TNRC6B: variants seen among roughly 807,000 people sequenced by gnomAD.
TNRC6B encodes the protein trinucleotide repeat containing adaptor 6B.
Under a neutral mutation model 203.6 loss-of-function variants are expected in TNRC6B, and 52 were observed. The observed-to-expected ratio is 0.26, with a 90% CI of 0.20 to 0.32. TNRC6B has a LOEUF of 0.32. Ranked by LOEUF, TNRC6B falls within the 10% of genes least tolerant of loss-of-function variation. The pLI is 1.00. For synonymous variants in TNRC6B, 838 were observed against 845.7 expected (o/e 0.99, Z 0.16); for missense variants, 1,923 against 2,286.2 (o/e 0.84, Z 3.24).
intron 7 of TNRC6B, 86 bp downstream of exon 7, chr22:40,273,686 A>G (rs2070597330): frequency 7.1e-7 from 1 of 1,406,564 alleles, no homozygotes; most frequent in Admixed American, 2.5e-5. Context: ...TTGTTTTGAG[A>G]CAAGTTCTCC....
At position 40,265,576 on chromosome 22, in the gene TNRC6B, A is replaced by G. The variant is rs2070466215; in HGVS notation, c.1346A>G (p.Asn449Ser). The change falls in exon 5 of 23, where the codon AAT becomes AGT. Residue 449 changes from asparagine (N) to serine (S), a missense_variant. Asn to Ser is a conservative substitution (Grantham distance 46, BLOSUM62 1). Around this residue, in one of 8 missense-constraint regions of TNRC6B, gnomAD observed 614 missense variants for 587.7 expected, o/e 1.04. Transcript: ENST00000454349. The part of the protein sequence containing the change: ...GQSNSGNNGN[N>S]GKEREDSWKG... ...AGCAATTCTGGAAACAATGGGAACA[A>G]TGGAAAAGAGAGAGAGGACTCCTGG... 6.2e-7 allele frequency: 1 copy of G among 1,613,872 alleles called. No homozygotes were observed.
At chr22:40,224,160 A>G (rs1446303037) in intron 1 of TNRC6B, among the ~76,000 whole-genome samples, 1 of 152,132 alleles carries the variant, frequency 6.6e-6, no homozygotes, top group African/African-American at 2.4e-5. Context: ...ATGAGCCACC[A>G]TGCCCGGCTA....
At chr22:40,280,490 T>G (rs1306892900) in intron 10 of TNRC6B, among the ~76,000 whole-genome samples, 1 of 152,264 alleles carries the variant, frequency 6.6e-6, no homozygotes, top group Admixed American at 6.5e-5. Context: ...CCATGTCTCC[T>G]AAGGCCTTGC....
At position 40,202,173 on chromosome 22, in the gene TNRC6B, T is replaced by G. The variant is rs961210627; in HGVS notation, c.5+24033T>G. 1.3e-5 allele frequency among the ~76,000 whole-genome samples: 2 copies of G among 152,138 alleles called. 1 individual carries two copies. The highest frequency in any genetic ancestry group is 2.9e-5 in the Non-Finnish European group (2 of 68,000). ...CTAGTTGAGTTAAAGTCATTTAATT[T>G]GATGTTTTGTTTCTGTATACCCTGC... On this transcript the variant is annotated intron_variant, in intron 1 of 22. Transcript: ENST00000454349.
intron 1 of TNRC6B, among the ~76,000 whole-genome samples, chr22:40,191,203 G>C (rs1393194662): frequency 6.6e-6 from 1 of 152,086 alleles, no homozygotes; most frequent in Admixed American, 6.5e-5. Context: ...GGTCAGATCA[G>C]CCCAGTGTTG....
At chr22:40,125,499 G>A (rs2068483164) in intron 2 of TNRC6B, among the ~76,000 whole-genome samples, 1 of 152,038 alleles carries the variant, frequency 6.6e-6, no homozygotes, top group South Asian at 2.1e-4. Context: ...AATAAAATAG[G>A]GAAAGAAATC....
chr22:40,045,186 G>A (rs2067676387), intron 1 of TNRC6B, among the ~76,000 whole-genome samples: 1 of 145,262 alleles, frequency 6.9e-6, no homozygotes, highest in Non-Finnish European at 1.5e-5. Context: ...GGGCCGGGGA[G>A]GGGGCGTGAG....
chr22:40,079,394 A>G (rs1210378639), intron 1 of TNRC6B, among the ~76,000 whole-genome samples: 1 of 152,088 alleles, frequency 6.6e-6, no homozygotes, highest in Admixed American at 6.6e-5. Flanking sequence ...AGCAGGGTGA[A>G]TGTAATGACC....
chr22:40,150,227 A>C (rs1055770081), intron 3 of TNRC6B, among the ~76,000 whole-genome samples: 1 of 152,038 alleles, frequency 6.6e-6, no homozygotes, highest in Non-Finnish European at 1.5e-5. Flanking sequence ...AAATACAAAA[A>C]ATTAGCCAGG....
At chr22:40,250,935 T>C (rs1344062202) in intron 2 of TNRC6B, among the ~76,000 whole-genome samples, 1 of 12,780 alleles carries the variant, frequency 7.8e-5, no homozygotes, top group Non-Finnish European at 2.4e-4. Flanking sequence ...GTGGAATGCT[T>C]TTTTTTTTTT....
intron 3 of TNRC6B, among the ~76,000 whole-genome samples, chr22:40,255,116 T>G (rs2070251759): frequency 6.6e-6 from 1 of 152,170 alleles, no homozygotes; most frequent in Non-Finnish European, 1.5e-5. Context: ...GGTAACTGTC[T>G]TCAAAAATTT....
At chr22:40,194,006 T>C (rs763258714) in intron 1 of TNRC6B, among the ~76,000 whole-genome samples, 7 of 151,886 alleles carry the variant, frequency 4.6e-5, no homozygotes, top group African/African-American at 1.2e-4. Context: ...ACACAGTTAG[T>C]TGGGGTTGGG....
chr22:40,281,323 C>G, intron 11 of TNRC6B, 34 bp downstream of exon 11: 1 of 1,507,060 alleles, frequency 6.6e-7, no homozygotes, highest in Non-Finnish European at 8.9e-7. Flanking sequence ...AACTGCTTGG[C>G]TATGGCCTCG....
Position 40,324,910 on chromosome 22 carries a change from G to C in TNRC6B, c.*1669G>C, listed in dbSNP as rs888239946. 1 of 152,060 alleles carries C rather than the reference G, an allele frequency of 6.6e-6. No individual in the cohort carries two copies. The highest frequency in any genetic ancestry group is 1.5e-5 in the Non-Finnish European group (1 of 67,958). The allele number at this position is 152,060 out of a possible 1,614,324, so 9.4% of individuals were successfully genotyped here. A position where few individuals can be genotyped will look rare whatever the true frequency, so the allele number is the denominator to read the frequency against. On this transcript the variant is annotated 3_prime_UTR_variant, in exon 23 of 23. Transcript: ENST00000454349. ...ATGTAGTAGTACTCTGGGCCGAACA[G>C]GGGTCAACGTTTAATCTACAGTTAT...
intron 12 of TNRC6B, among the ~76,000 whole-genome samples, chr22:40,289,570 T>C (rs1268504082): frequency 6.6e-6 from 1 of 152,158 alleles, no homozygotes; most frequent in Non-Finnish European, 1.5e-5. Flanking sequence ...GTTTGGCTTT[T>C]GGACACCTAC....
intron 1 of TNRC6B, among the ~76,000 whole-genome samples, chr22:40,241,261 T>A (rs2070024706): frequency 6.6e-6 from 1 of 152,210 alleles, no homozygotes; most frequent in Non-Finnish European, 1.5e-5. Context: ...TCACCAATAC[T>A]ATAGTCTGTT....
In TNRC6B at chr22:40,191,407, GCT is replaced by G. The variant is rs752736924; in HGVS notation, c.5+13270_5+13271del. Among the ~76,000 whole-genome samples the G allele has an allele frequency of 3.9e-5, 6 of 152,120 alleles. No individual in the cohort carries two copies. The South Asian group carries it at 8.3e-4, about 21-fold the overall frequency. ...TGGATGTTTCCCAGGTCTCTTCCCT[GCT>G]CTGTTTCAGGCAGAAGAAATAGAAT... On this transcript the variant is annotated intron_variant, in intron 1 of 22. Coordinates refer to ENST00000454349, the MANE Select transcript of TNRC6B (RefSeq NM_001162501.2).
At chr22:40,121,577 C>T (rs938742637) in intron 2 of TNRC6B, among the ~76,000 whole-genome samples, 1 of 152,256 alleles carries the variant, frequency 6.6e-6, no homozygotes, top group Admixed American at 6.5e-5. Context: ...CACTAATGCC[C>T]TATTCCCTTT....
chr22:40,069,793 C>A (rs1213810505), intron 1 of TNRC6B, among the ~76,000 whole-genome samples: 1 of 152,114 alleles, frequency 6.6e-6, no homozygotes, highest in Non-Finnish European at 1.5e-5. Flanking sequence ...CGGCCGAGAG[C>A]TTCTTTTAGA....
Sources: allele counts gnomAD v4.1 joint callset (sites outside exome capture counted in the v4.1 genomes callset), GRCh38; gene constraint gnomAD v4.1.1; regional missense constraint gnomAD v4.1.1; transcripts MANE v1.5; gene names NCBI Gene and HGNC (gene_info 2026-07-23, HGNC 2026-07-21).